LRRC3B: variants seen among roughly 807,000 people sequenced by gnomAD.
The protein encoded by LRRC3B is leucine rich repeat containing 3B.
In LRRC3B, 2 loss-of-function variants were observed where a neutral mutation model predicts 12.8. The observed-to-expected ratio is 0.16, with a 90% CI of 0.06 to 0.49. LRRC3B has a LOEUF of 0.49. Among genes scored for constraint, LRRC3B ranks in the 20% least tolerant of loss-of-function variants. LRRC3B has a pLI of 0.96. For synonymous variants in LRRC3B, 132 were observed against 122.0 expected (o/e 1.08, Z -0.54); for missense variants, 189 against 319.4 (o/e 0.59, Z 3.11).
chr3:26,680,788 G>T (rs1331659627), intron 1 of LRRC3B, among the ~76,000 whole-genome samples: 2 of 152,168 alleles, frequency 1.3e-5, no homozygotes, highest in Non-Finnish European at 2.9e-5. Context: ...GTGACCAAAA[G>T]ATACAAAGTA....
At chr3:26,698,119 AGTG>A (rs951173774) in intron 1 of LRRC3B, among the ~76,000 whole-genome samples, 3 of 151,972 alleles carry the variant, frequency 2.0e-5, no homozygotes, top group South Asian at 2.1e-4. Flanking sequence ...TGATGATGAT[AGTG>A]GTGGTGGTGG....
chr3:26,709,085 T>A (rs1700681896), intron 1 of LRRC3B, among the ~76,000 whole-genome samples: 1 of 152,234 alleles, frequency 6.6e-6, no homozygotes, highest in Non-Finnish European at 1.5e-5. Flanking sequence ...CTGTCTATAG[T>A]CATTAACCAT....
At chr3:26,689,432 G>C (rs899670703) in intron 1 of LRRC3B, among the ~76,000 whole-genome samples, 16 of 152,186 alleles carry the variant, frequency 1.1e-4, no homozygotes, top group African/African-American at 3.9e-4. Context: ...ACCTCCTTCT[G>C]ACAGTGGCCA....
At chr3:26,699,713 G>A (rs778227334) in intron 1 of LRRC3B, among the ~76,000 whole-genome samples, 31 of 152,196 alleles carry the variant, frequency 2.0e-4, no homozygotes, top group Non-Finnish European at 4.1e-4. Flanking sequence ...CTACATTTAT[G>A]TAGATTAGAT....
chr3:26,683,960 C>T (rs1700022471), intron 1 of LRRC3B, among the ~76,000 whole-genome samples: 1 of 152,204 alleles, frequency 6.6e-6, no homozygotes, highest in Non-Finnish European at 1.5e-5. Flanking sequence ...AAAAGCTGAT[C>T]CTCTGTCCAC....
At chr3:26,683,937 A>G (rs1241429676) in intron 1 of LRRC3B, among the ~76,000 whole-genome samples, 1 of 152,158 alleles carries the variant, frequency 6.6e-6, no homozygotes, top group African/African-American at 2.4e-5. Context: ...CATAAGTCAT[A>G]TTGATGTGTG....
intron 1 of LRRC3B, among the ~76,000 whole-genome samples, chr3:26,648,920 G>A (rs2125413619): frequency 6.6e-6 from 1 of 152,280 alleles, no homozygotes; most frequent in South Asian, 2.1e-4. Context: ...CTCCCTTGAG[G>A]CAACTCAAAA....
At chr3:26,672,863 C>G (rs977625230) in intron 1 of LRRC3B, among the ~76,000 whole-genome samples, 2 of 152,194 alleles carry the variant, frequency 1.3e-5, no homozygotes, top group Non-Finnish European at 2.9e-5. Flanking sequence ...TGTTTAAGAG[C>G]CACTTTTTTG....
chr3:26,671,413 G>GAGACAC lies in LRRC3B; in HGVS notation c.-160-38099_-160-38098insGACACA, dbSNP rs9331540. ...AGAGAGAGAGAGAGAGAGAGAGAGA[G>GAGACAC]ACGAAGTCTTGCTCTGTCGCCAGGC... On this transcript the variant is annotated intron_variant, in intron 1 of 1. Coordinates refer to ENST00000396641, the Ensembl canonical transcript of LRRC3B. 5.1e-4 allele frequency among the ~76,000 whole-genome samples: 51 copies of GAGACAC among 99,406 alleles called. 1 individual carries two copies. The highest frequency in any genetic ancestry group is 9.4e-4 in the Non-Finnish European group (48 of 51,300). 65.2% of individuals were successfully genotyped at this position (99,406 alleles called of 152,430 possible).
chr3:26,654,130 CAG>C (rs1699322326), intron 1 of LRRC3B, among the ~76,000 whole-genome samples: 1 of 152,138 alleles, frequency 6.6e-6, no homozygotes, highest in Non-Finnish European at 1.5e-5. Context: ...TAAAATCTGT[CAG>C]AGAGTTGGGT....
intron 1 of LRRC3B, among the ~76,000 whole-genome samples, chr3:26,697,510 T>TCTGCAAAGATTC (rs1301748173): frequency 1.3e-5 from 2 of 152,208 alleles, no homozygotes; most frequent in Non-Finnish European, 2.9e-5. Flanking sequence ...TTTAATCTCA[T>TCTGCAAAGATTC]CTGCAAAGAT....
At chr3:26,710,035 C>G in exon 2 of LRRC3B, 1 of 1,614,058 alleles carries the variant, frequency 6.2e-7, no homozygotes, top group South Asian at 1.1e-5. Context: ...TGGACTTGTC[C>G]GACAATCGGA....
chr3:26,634,015 A>G lies in LRRC3B; in HGVS notation c.-161+10778A>G, dbSNP rs138115860. Among the ~76,000 whole-genome samples, 660 of 152,328 alleles carry G rather than the reference A, an allele frequency of 4.3e-3. 5 individuals carry two copies. The highest frequency in any genetic ancestry group is 0.015 in the African/African-American group (633 of 41,568). On this transcript the variant is annotated intron_variant, in intron 1 of 1. Transcript: ENST00000396641. The stretch of plus-strand genomic sequence containing the variant: ...TAAAAACAAAATAAAACAAAACAAA[A>G]TAAAACACATATGCAGGCTATATTC...
At chr3:26,668,151 T>G (rs1002615986) in intron 1 of LRRC3B, among the ~76,000 whole-genome samples, 4 of 152,026 alleles carry the variant, frequency 2.6e-5, no homozygotes, top group African/African-American at 9.7e-5. Flanking sequence ...ACAGAGTAGG[T>G]TAGTTTTCTT....
At chr3:26,699,518 C>T (rs1700401446) in intron 1 of LRRC3B, among the ~76,000 whole-genome samples, 1 of 152,006 alleles carries the variant, frequency 6.6e-6, no homozygotes, top group Admixed American at 6.6e-5. Flanking sequence ...TGTGTTTTTC[C>T]CACCAACCCA....
intron 1 of LRRC3B, among the ~76,000 whole-genome samples, chr3:26,637,604 C>T (rs963882978): frequency 2.6e-5 from 4 of 152,152 alleles, no homozygotes; most frequent in Non-Finnish European, 4.4e-5. Context: ...TCTAGTAATA[C>T]GTGGATATTC....
chr3:26,703,367 T>C (rs757919036), intron 1 of LRRC3B, among the ~76,000 whole-genome samples: 18 of 152,152 alleles, frequency 1.2e-4, no homozygotes, highest in Non-Finnish European at 2.1e-4. Context: ...GCAAATGCTA[T>C]TCATTCAGAG....
intron 1 of LRRC3B, among the ~76,000 whole-genome samples, chr3:26,626,663 C>T (rs1389806342): frequency 1.3e-5 from 2 of 152,026 alleles, no homozygotes; most frequent in African/African-American, 4.8e-5. Context: ...TGCTTATTTT[C>T]GTATAAATGC....
intron 1 of LRRC3B, among the ~76,000 whole-genome samples, chr3:26,674,045 G>A (rs1699807601): frequency 6.6e-6 from 1 of 152,164 alleles, no homozygotes; most frequent in Admixed American, 6.5e-5. Context: ...TCAACTTTGT[G>A]ATTTAATATA....
Sources: gnomAD v4.1 joint callset for allele counts (sites outside exome capture counted in the v4.1 genomes callset) on GRCh38, gnomAD v4.1.1 for gene constraint, MANE v1.5 for transcripts, NCBI Gene and HGNC (gene_info 2026-07-23, HGNC 2026-07-21) for gene names.